The following UBE2E2 variants were observed in gnomAD, a reference collection of about 807,000 sequenced individuals.
The protein encoded by UBE2E2 is ubiquitin conjugating enzyme E2 E2.
A neutral mutation model predicts 24.7 loss-of-function variants in UBE2E2; 6 were observed. That is an observed-to-expected ratio of 0.24 (90% CI 0.13 to 0.48). UBE2E2 has a LOEUF of 0.48. Ranked by LOEUF, UBE2E2 falls within the 20% of genes least tolerant of loss-of-function variation. UBE2E2 has a pLI of 0.99. For missense variants in UBE2E2, 169 were observed against 245.0 expected, an observed-to-expected ratio of 0.69 and a Z score of 2.07; for synonymous variants, 104 against 83.6, an observed-to-expected ratio of 1.24 and a Z score of -1.33.
intron 5 of UBE2E2, among the ~76,000 whole-genome samples, chr3:23,569,633 C>T (rs1442263405): frequency 6.6e-6 from 1 of 152,148 alleles, no homozygotes; most frequent in Non-Finnish European, 1.5e-5. Context: ...AAGTCCTCTA[C>T]TGTAAGGATA....
chr3:23,480,647 GA>G (rs1699239753), intron 3 of UBE2E2, among the ~76,000 whole-genome samples: 2 of 97,944 alleles, frequency 2.0e-5, no homozygotes, highest in Non-Finnish European at 4.9e-5. Flanking sequence ...AAAAAAAAAA[GA>G]AGAGGATTCA....
intron 4 of UBE2E2, 118 bp from the exon 5 acceptor site, chr3:23,532,436 C>A: frequency 1.2e-6 from 1 of 836,152 alleles, no homozygotes. Context: ...TGTATGTTAA[C>A]CAATAGCCTG....
intron 3 of UBE2E2, among the ~76,000 whole-genome samples, chr3:23,304,443 A>G (rs1699187600): frequency 6.6e-6 from 1 of 152,194 alleles, no homozygotes; most frequent in African/African-American, 2.4e-5. Flanking sequence ...TTAAAATATT[A>G]CTAAACTCAT....
At chr3:23,500,082 C>T (rs553365248) in intron 4 of UBE2E2, among the ~76,000 whole-genome samples, 3 of 152,152 alleles carry the variant, frequency 2.0e-5, no homozygotes, top group South Asian at 4.2e-4. Flanking sequence ...GAAAATCAGA[C>T]GTAGCCTGGA....
At chr3:23,504,525 G>A (rs919139080) in intron 4 of UBE2E2, among the ~76,000 whole-genome samples, 1 of 151,240 alleles carries the variant, frequency 6.6e-6, no homozygotes, top group East Asian at 2.0e-4. Context: ...TCGTGCTCCA[G>A]AAAAATTCTA....
At chr3:23,464,779 G>A (rs1698886663) in intron 3 of UBE2E2, among the ~76,000 whole-genome samples, 1 of 152,156 alleles carries the variant, frequency 6.6e-6, no homozygotes, top group African/African-American at 2.4e-5. Flanking sequence ...TACAAAATGT[G>A]AACAGTTCTT....
intron 3 of UBE2E2, among the ~76,000 whole-genome samples, chr3:23,343,421 C>G (rs1480951750): frequency 1.3e-5 from 2 of 151,946 alleles, no homozygotes; most frequent in African/African-American, 2.4e-5. Context: ...ATTAAAAATA[C>G]AAAAATTAGC....
chr3:23,588,227 A>G (rs1696670245), intron 5 of UBE2E2, among the ~76,000 whole-genome samples: 1 of 152,002 alleles, frequency 6.6e-6, no homozygotes, highest in African/African-American at 2.4e-5. Flanking sequence ...CATTTTCCCT[A>G]GTGGATCCTC....
At chr3:23,256,846 A>G (rs778253779) in intron 3 of UBE2E2, among the ~76,000 whole-genome samples, 20 of 151,898 alleles carry the variant, frequency 1.3e-4, no homozygotes, top group Non-Finnish European at 2.4e-4. Context: ...TGTCCATTCC[A>G]TTTTCTTCTC....
chr3:23,409,905 C>G (rs1208502338), intron 3 of UBE2E2, among the ~76,000 whole-genome samples: 1 of 152,152 alleles, frequency 6.6e-6, no homozygotes, highest in Admixed American at 6.6e-5. Context: ...TGCTGTGTGT[C>G]TCTGATTCCA....
chr3:23,280,330 G>C lies in UBE2E2; in HGVS notation c.227+63018G>C, dbSNP rs569925632. Among the ~76,000 whole-genome samples the C allele has an allele frequency of 4.6e-5, 7 of 152,268 alleles. No individual in the cohort carries two copies. The highest frequency in any genetic ancestry group is 1.4e-4 in the African/African-American group (6 of 41,556). ...AGTGGTGAGAGTCTTAAGAGTACTA[G>C]TATTCTTTGGGAAACAAATGTTGCA... On this transcript the variant is annotated intron_variant, in intron 3 of 5. Coordinates refer to ENST00000396703, the MANE Select transcript of UBE2E2 (RefSeq NM_152653.4). The surrounding 1 kb of genome is among the most constrained non-coding windows in gnomAD (Gnocchi z 4.3).
At chr3:23,435,906 C>T (rs903372420) in intron 3 of UBE2E2, among the ~76,000 whole-genome samples, 6 of 152,152 alleles carry the variant, frequency 3.9e-5, no homozygotes, top group African/African-American at 1.2e-4. Context: ...ACGGCAGGGG[C>T]GGGGCAGGCT....
intron 3 of UBE2E2, among the ~76,000 whole-genome samples, chr3:23,425,929 G>C (rs551685788): frequency 2.0e-5 from 3 of 152,088 alleles, no homozygotes; most frequent in Non-Finnish European, 2.9e-5. Flanking sequence ...GATATGGCAG[G>C]GCTCTTGAAA....
At chr3:23,485,530 CA>C (rs1228051528) in intron 3 of UBE2E2, among the ~76,000 whole-genome samples, 1 of 151,594 alleles carries the variant, frequency 6.6e-6, no homozygotes, top group Non-Finnish European at 1.5e-5. Flanking sequence ...CCTATTAAAA[CA>C]AAAACAAAAA....
chr3:23,491,045 G>A (rs1437055199), intron 3 of UBE2E2, among the ~76,000 whole-genome samples: 1 of 152,120 alleles, frequency 6.6e-6, no homozygotes, highest in Non-Finnish European at 1.5e-5. Flanking sequence ...CCTTATGGGG[G>A]ATAAAATTAA....
rs1244055297 is a variant in UBE2E2, at chr3:23,299,894, T to A, written c.227+82582T>A. Among the ~76,000 whole-genome samples, 36 of 152,184 alleles carry A rather than the reference T, an allele frequency of 2.4e-4. 1 individual carries two copies. Among genetic ancestry groups the A allele is most frequent in the Non-Finnish European group, 1.2e-4 (8 of 68,040 alleles). ...ATGTTGACAGTGGGGTGTTAAAGTC[T>A]CCCATTATTAGTGTGTGGGAGTCTA... is the stretch of plus-strand genomic sequence containing the variant. On this transcript the variant is annotated intron_variant, in intron 3 of 5. Transcript: ENST00000396703.
At chr3:23,532,351 T>A (rs1229980221) in intron 4 of UBE2E2, among the ~76,000 whole-genome samples, 1 of 152,220 alleles carries the variant, frequency 6.6e-6, no homozygotes, top group African/African-American at 2.4e-5. Flanking sequence ...TGTTTATTTC[T>A]CTGTGCCCAA....
intron 3 of UBE2E2, among the ~76,000 whole-genome samples, chr3:23,236,642 T>TAA (rs1294752546): frequency 6.6e-6 from 1 of 152,252 alleles, no homozygotes; most frequent in African/African-American, 2.4e-5. Context: ...CTGGAACACA[T>TAA]AATTAAGTGT....
intron 3 of UBE2E2, among the ~76,000 whole-genome samples, chr3:23,451,274 A>C (rs139311337): frequency 6.6e-6 from 1 of 152,156 alleles, no homozygotes; most frequent in Admixed American, 6.5e-5. Flanking sequence ...TTGTCCTGCT[A>C]TCCATTTAGA....
Sources: gnomAD v4.1 joint callset for allele counts (sites outside exome capture counted in the v4.1 genomes callset) on GRCh38, gnomAD v4.1.1 for gene constraint, Gnocchi (gnomAD v3.1) non-coding constraint, MANE v1.5 for transcripts, NCBI Gene and HGNC (gene_info 2026-07-23, HGNC 2026-07-21) for gene names.